The following FNDC3B variants were observed in gnomAD, a reference collection of about 807,000 sequenced individuals.
FNDC3B encodes the protein fibronectin type III domain containing 3B.
A neutral mutation model predicts 151.5 loss-of-function variants in FNDC3B; 12 were observed. That is an observed-to-expected ratio of 0.08 (90% CI 0.05 to 0.13). The LOEUF (loss-of-function observed/expected upper bound fraction) is 0.13. Ranked by LOEUF, FNDC3B falls within the 10% of genes least tolerant of loss-of-function variation. FNDC3B has a pLI of 1.00. For missense variants in FNDC3B, 1,214 were observed against 1,505.3 expected (o/e 0.81, Z 3.20); for synonymous variants, 528 against 549.0 (o/e 0.96, Z 0.54).
intron 25 of FNDC3B, among the ~76,000 whole-genome samples, chr3:172,381,705 G>A (rs1263567803): frequency 1.3e-5 from 2 of 151,446 alleles, no homozygotes; most frequent in Non-Finnish European, 2.9e-5. Context: ...CCACTTATGA[G>A]TGAGAACCTG....
intron 2 of FNDC3B, among the ~76,000 whole-genome samples, chr3:172,114,700 A>G (rs1004567378): frequency 3.9e-5 from 6 of 152,226 alleles, no homozygotes; most frequent in African/African-American, 1.4e-4. Context: ...AGCCTGGGCA[A>G]CAAAGTGAGA....
At chr3:172,173,969 A>C (rs1723415532) in intron 3 of FNDC3B, among the ~76,000 whole-genome samples, 1 of 152,186 alleles carries the variant, frequency 6.6e-6, no homozygotes, top group Non-Finnish European at 1.5e-5. Flanking sequence ...TGTGTTATTT[A>C]CGGGGAAAAC....
chr3:172,147,902 T>C (rs1439184983), intron 3 of FNDC3B, among the ~76,000 whole-genome samples: 1 of 152,156 alleles, frequency 6.6e-6, no homozygotes, highest in East Asian at 1.9e-4. Flanking sequence ...TCCATCTAGA[T>C]GCAGAAAAAT....
intron 25 of FNDC3B, among the ~76,000 whole-genome samples, chr3:172,381,443 T>A (rs1245544622): frequency 1.3e-5 from 2 of 152,090 alleles, no homozygotes; most frequent in African/African-American, 4.8e-5. Context: ...GGAAGTAGTC[T>A]CTTTTTTTGT....
In FNDC3B at chr3:172,338,653, G is replaced by GTATA. The variant is rs760231262; in HGVS notation, c.1852+1253_1852+1256dup. The stretch of plus-strand genomic sequence containing the variant: ...ATTCATTAGACTTTAATAGAGAAAA[G>GTATA]TATAGTCTTCAAAACTTTTTAAATG... On this transcript the variant is annotated intron_variant, in intron 16 of 25. Coordinates refer to ENST00000415807, the MANE Select transcript of FNDC3B (RefSeq NM_022763.4). Among the ~76,000 whole-genome samples the GTATA allele has an allele frequency of 3.3e-5, 5 of 152,312 alleles. No homozygotes were observed. The East Asian group carries it at 9.6e-4, about 29-fold the overall frequency.
intron 25 of FNDC3B, 146 bp downstream of exon 25, chr3:172,381,239 C>A: frequency 1.2e-6 from 1 of 844,606 alleles, no homozygotes; most frequent in African/African-American, 1.7e-5. Flanking sequence ...TATAATTCTT[C>A]AGAGTGGGTG....
chr3:172,373,837 T>C (rs1210101178), intron 23 of FNDC3B, among the ~76,000 whole-genome samples: 1 of 152,224 alleles, frequency 6.6e-6, no homozygotes, highest in African/African-American at 2.4e-5. Flanking sequence ...GAAATAATTA[T>C]AGAACTGGGA....
chr3:172,043,230 C>T (rs1434400455), intron 1 of FNDC3B, among the ~76,000 whole-genome samples: 2 of 152,192 alleles, frequency 1.3e-5, no homozygotes, highest in East Asian at 1.9e-4. Flanking sequence ...GTTTTATTTA[C>T]TTGTAATTAT....
chr3:172,065,966 T>C (rs1256236962), intron 1 of FNDC3B, among the ~76,000 whole-genome samples: 1 of 152,210 alleles, frequency 6.6e-6, no homozygotes, highest in Non-Finnish European at 1.5e-5. Context: ...ATGTGGTTAA[T>C]GTAGTTACTT....
At position 172,397,297 on chromosome 3, in the gene FNDC3B, C is replaced by T. The variant is rs1158005345; in HGVS notation, c.3437C>T (p.Ala1146Val). The T allele has an allele frequency of 3.1e-6, 5 of 1,614,202 alleles. No individual in the cohort carries two copies. The highest frequency in any genetic ancestry group is 4.5e-5 in the East Asian group (2 of 44,884). The change falls in exon 26 of 26, where the codon GCG becomes GTG. Residue 1146 changes from alanine (A) to valine (V), a missense_variant. Ala to Val is a moderately conservative substitution (Grantham distance 64, BLOSUM62 0). This residue lies in a region of FNDC3B where 284 missense variants were observed against 392.4 expected (regional missense o/e 0.72). Coordinates refer to ENST00000415807, the MANE Select transcript of FNDC3B (RefSeq NM_022763.4). The part of the protein sequence containing the change: ...QELSGAFSPS[A>V]AFVLQRSEVM... ...CTAAGCGGAGCCTTCAGCCCCTCTG[C>T]GGCTTTTGTATTACAACGAAGTGAG...
chr3:172,259,558 A>G (rs1235456773), intron 6 of FNDC3B, among the ~76,000 whole-genome samples: 4 of 152,200 alleles, frequency 2.6e-5, no homozygotes, highest in Non-Finnish European at 5.9e-5. Flanking sequence ...AGGCTGGAGA[A>G]ATCAAACTGT....
intron 23 of FNDC3B, among the ~76,000 whole-genome samples, chr3:172,369,428 C>A (rs1315059101): frequency 6.6e-6 from 1 of 151,878 alleles, no homozygotes. Flanking sequence ...AAATAAATCT[C>A]CATTTTAATA....
intron 1 of FNDC3B, among the ~76,000 whole-genome samples, chr3:172,071,369 A>G (rs1214470538): frequency 6.6e-6 from 1 of 152,200 alleles, no homozygotes; most frequent in East Asian, 1.9e-4. Context: ...ATTGCAGGTG[A>G]TTATTAAGGC....
At chr3:172,200,808 G>A (rs1725108252) in intron 3 of FNDC3B, among the ~76,000 whole-genome samples, 1 of 152,160 alleles carries the variant, frequency 6.6e-6, no homozygotes, top group African/African-American at 2.4e-5. Context: ...CCTCAGATAA[G>A]TGACCTAGCT....
At chr3:172,190,658 T>TTTTTG (rs138846991) in intron 3 of FNDC3B, among the ~76,000 whole-genome samples, 3 of 152,068 alleles carry the variant, frequency 2.0e-5, no homozygotes, top group South Asian at 2.1e-4. Context: ...ATTGTGTCTT[T>TTTTTG]TTTTGTTTTG....
intron 24 of FNDC3B, among the ~76,000 whole-genome samples, chr3:172,379,646 T>C (rs1321075942): frequency 6.6e-6 from 1 of 152,258 alleles, no homozygotes; most frequent in Admixed American, 6.5e-5. Context: ...GTAAATGCCC[T>C]GGCCCTTTGG....
intron 22 of FNDC3B, among the ~76,000 whole-genome samples, chr3:172,358,582 T>C (rs1211106046): frequency 6.6e-6 from 1 of 152,234 alleles, no homozygotes; most frequent in Non-Finnish European, 1.5e-5. Flanking sequence ...GGTGTAATAG[T>C]GCAGCCGCAG....
chr3:172,269,380 T>C (rs1729076055), intron 6 of FNDC3B, among the ~76,000 whole-genome samples: 1 of 152,066 alleles, frequency 6.6e-6, no homozygotes, highest in Admixed American at 6.6e-5. Flanking sequence ...TACCTCAGCC[T>C]CCTGAATAGC....
intron 17 of FNDC3B, among the ~76,000 whole-genome samples, chr3:172,342,205 A>G (rs1733361697): frequency 1.3e-5 from 2 of 152,208 alleles, no homozygotes; most frequent in South Asian, 4.1e-4. Flanking sequence ...CTGCCCATGT[A>G]GACACTGCCT....
Sources: gnomAD v4.1 joint callset for allele counts (sites outside exome capture counted in the v4.1 genomes callset) on GRCh38, gnomAD v4.1.1 for gene constraint, gnomAD v4.1.1 regional missense constraint, MANE v1.5 for transcripts, NCBI Gene and HGNC (gene_info 2026-07-23, HGNC 2026-07-21) for gene names.